EYS: variants seen among roughly 807,000 people sequenced by gnomAD.
EYS encodes the protein protein eyes shut homolog.
Under a neutral mutation model 282.1 loss-of-function variants are expected in EYS, and 250 were observed. The ratio of observed to expected loss-of-function variants is 0.89; its 90% CI spans 0.80 to 0.98. EYS has a LOEUF of 0.98. EYS is among the 50% of genes least tolerant of loss of function. The pLI, the probability that EYS is intolerant of heterozygous loss-of-function variation, is 0.00. For missense variants in EYS, 4,016 were observed against 3,709.0 expected (o/e 1.08, Z -2.15); for synonymous variants, 1,355 against 1,282.9 (o/e 1.06, Z -1.20).
At chr6:63,913,123 C>A (rs2149739031) in intron 35 of EYS, among the ~76,000 whole-genome samples, 1 of 152,208 alleles carries the variant, frequency 6.6e-6, no homozygotes, top group South Asian at 2.1e-4. Flanking sequence ...CAGGGAAAGT[C>A]ATTTTTTCAT....
At position 65,328,985 on chromosome 6, in the gene EYS, A is replaced by G. The variant is rs1163551459; in HGVS notation, c.1766+5995T>C. Reference sequence around the variant, plus strand: ...GCATAAAAGGCTGCATGAAACTCCAAGTCTTAGAAAATAATTTGAAAAGCA... The same window carrying G: ...GCATAAAAGGCTGCATGAAACTCCAGGTCTTAGAAAATAATTTGAAAAGCA... On this transcript the variant is annotated intron_variant, in intron 11 of 42. Transcript: ENST00000503581. Among the ~76,000 whole-genome samples, 4 of 151,320 alleles carry G rather than the reference A, an allele frequency of 2.6e-5. No homozygotes were observed. In the East Asian group the frequency reaches 7.8e-4, roughly 29 times the overall value.
In EYS at chr6:65,205,631, C is replaced by A. The variant is rs558831887; in HGVS notation, c.2023+90232G>T. 2.6e-5 allele frequency among the ~76,000 whole-genome samples: 4 copies of A among 151,824 alleles called. No individual in the cohort carries two copies. The East Asian group carries it at 7.7e-4, about 29-fold the overall frequency. On this transcript the variant is annotated intron_variant, in intron 12 of 42. Coordinates refer to ENST00000503581, the MANE Select transcript of EYS (RefSeq NM_001142800.2). ...CTCATCTACACATGGAACATTTGAC[C>A]ATATGCTTGGTCATAAAGCATCTCT...
intron 18 of EYS, among the ~76,000 whole-genome samples, chr6:64,901,331 T>G (rs1373823050): frequency 7.8e-6 from 1 of 127,510 alleles, no homozygotes; most frequent in Non-Finnish European, 1.7e-5. Flanking sequence ...GATGCCATAA[T>G]TAGGCATTTC....
intron 33 of EYS, among the ~76,000 whole-genome samples, chr6:64,014,599 T>A (rs2149814174): frequency 6.6e-6 from 1 of 152,234 alleles, no homozygotes; most frequent in Non-Finnish European, 1.5e-5. Context: ...GTAAAACATT[T>A]AAATTTCTGA....
intron 26 of EYS, among the ~76,000 whole-genome samples, chr6:64,573,663 CAT>C (rs1562069626): frequency 6.7e-6 from 1 of 149,966 alleles, no homozygotes; most frequent in Non-Finnish European, 1.5e-5. Context: ...AGGCAACAAA[CAT>C]ATGAAAAAAA....
rs138874095 is a variant in EYS, at chr6:64,332,677, C to A, written c.6079-25595G>T. On this transcript the variant is annotated intron_variant, in intron 29 of 42. Coordinates refer to ENST00000503581, the MANE Select transcript of EYS (RefSeq NM_001142800.2). Reference sequence around the variant, plus strand: ...ACTACTGACAAGGGCAACTGCCCTGCTCCATCCACACTGGAGGCTGGTCGG... The same window carrying A: ...ACTACTGACAAGGGCAACTGCCCTGATCCATCCACACTGGAGGCTGGTCGG... Among the ~76,000 whole-genome samples, 471 of 152,282 alleles carry A rather than the reference C, an allele frequency of 3.1e-3. 2 individuals are homozygous for A. The highest frequency in any genetic ancestry group is 0.011 in the African/African-American group (438 of 41,574).
chr6:65,625,036 G>A (rs1168380134), intron 2 of EYS, among the ~76,000 whole-genome samples: 1 of 152,122 alleles, frequency 6.6e-6, no homozygotes, highest in East Asian at 1.9e-4. Flanking sequence ...CTGGAAAAGG[G>A]AGGGAGGGGA....
At chr6:64,410,449 CTGAAGCAAGAAT>C in intron 28 of EYS, among the ~76,000 whole-genome samples, 1 of 152,072 alleles carries the variant, frequency 6.6e-6, no homozygotes, top group Non-Finnish European at 1.5e-5. Flanking sequence ...TTTACTTCCA[CTGAAGCAAGAAT>C]TGAAACTGTC....
chr6:64,720,269 C>T lies in EYS; in HGVS notation c.3443+93109G>A, dbSNP rs571954979. Among the ~76,000 whole-genome samples, 8 of 152,302 alleles carry T rather than the reference C, an allele frequency of 5.3e-5. No individual in the cohort carries two copies. In the South Asian group the frequency reaches 1.7e-3, roughly 32 times the overall value. ...TCTCTAACCTCTGCTTCCTTCATCA[C>T]ATCTCCTTCTCTCACCTTTTCCTTC... On this transcript the variant is annotated intron_variant, in intron 22 of 42. Coordinates refer to ENST00000503581, the MANE Select transcript of EYS (RefSeq NM_001142800.2).
chr6:64,421,071 C>T (rs1774216212), intron 28 of EYS, among the ~76,000 whole-genome samples: 1 of 152,168 alleles, frequency 6.6e-6, no homozygotes, highest in Non-Finnish European at 1.5e-5. Flanking sequence ...CATTCTCACA[C>T]TGCTAATAAA....
intron 31 of EYS, among the ~76,000 whole-genome samples, chr6:64,177,751 G>A (rs1764678323): frequency 2.0e-5 from 3 of 151,544 alleles, no homozygotes; most frequent in Admixed American, 6.6e-5. Context: ...TTTTTCTCTC[G>A]GGCATAACTT....
At chr6:64,322,680 G>A (rs1770261062) in intron 29 of EYS, among the ~76,000 whole-genome samples, 1 of 152,098 alleles carries the variant, frequency 6.6e-6, no homozygotes, top group Admixed American at 6.6e-5. Context: ...ATTTTCTCTG[G>A]AGGATTGGAA....
intron 42 of EYS, among the ~76,000 whole-genome samples, chr6:63,726,048 A>C: frequency 6.6e-6 from 1 of 152,176 alleles, no homozygotes; most frequent in East Asian, 1.9e-4. Flanking sequence ...ATAAATATGT[A>C]CCTTTTAAAA....
chr6:64,320,361 A>G (rs1460928114), intron 29 of EYS, among the ~76,000 whole-genome samples: 1 of 151,690 alleles, frequency 6.6e-6, no homozygotes, highest in Non-Finnish European at 1.5e-5. Flanking sequence ...GGGTTGTTGA[A>G]TCTCTGCTCA....
intron 8 of EYS, among the ~76,000 whole-genome samples, chr6:65,359,192 T>C (rs1764604884): frequency 6.6e-6 from 1 of 152,002 alleles, no homozygotes; most frequent in African/African-American, 2.4e-5. Flanking sequence ...AATCAAGAAA[T>C]TGTCTATAAA....
intron 28 of EYS, among the ~76,000 whole-genome samples, chr6:64,427,340 A>G (rs1291278716): frequency 1.3e-5 from 2 of 152,140 alleles, no homozygotes; most frequent in African/African-American, 4.8e-5. Flanking sequence ...CAGGTAACCA[A>G]CAACTATAGA....
At chr6:63,792,662 T>G (rs1272324322) in intron 37 of EYS, among the ~76,000 whole-genome samples, 1 of 151,942 alleles carries the variant, frequency 6.6e-6, no homozygotes, top group African/African-American at 2.4e-5. Flanking sequence ...TGAGAATCTT[T>G]GAAGCTAGAT....
chr6:65,042,147 G>A (rs1484470317), intron 13 of EYS, among the ~76,000 whole-genome samples: 1 of 151,360 alleles, frequency 6.6e-6, no homozygotes, highest in Non-Finnish European at 1.5e-5. Context: ...TTTACTTCTG[G>A]TCTGGGATCT....
intron 29 of EYS, among the ~76,000 whole-genome samples, chr6:64,366,042 G>A (rs975134285): frequency 3.3e-5 from 5 of 151,930 alleles, no homozygotes; most frequent in African/African-American, 9.7e-5. Flanking sequence ...AGGAATATTT[G>A]GTTAATATTT....
Sources: allele counts gnomAD v4.1 joint callset (sites outside exome capture counted in the v4.1 genomes callset), GRCh38; gene constraint gnomAD v4.1.1; transcripts MANE v1.5; gene names NCBI Gene and HGNC (gene_info 2026-07-23, HGNC 2026-07-21).